The following SLIT3 variants were observed in gnomAD, a reference collection of about 807,000 sequenced individuals.
SLIT3 encodes the protein slit guidance ligand 3, also known as slit homolog 3 protein.
In SLIT3, 68 loss-of-function variants were observed where a neutral mutation model predicts 184.0. The ratio of observed to expected loss-of-function variants is 0.37; its 90% CI spans 0.30 to 0.45. The LOEUF (loss-of-function observed/expected upper bound fraction) is 0.45. Among genes scored for constraint, SLIT3 ranks in the 20% least tolerant of loss-of-function variants. SLIT3 has a pLI of 1.00. For synonymous variants in SLIT3, 831 were observed against 828.6 expected (o/e 1.00, Z -0.05); for missense variants, 1,707 against 2,026.0 (o/e 0.84, Z 3.02).
intron 4 of SLIT3, among the ~76,000 whole-genome samples, chr5:169,078,698 T>C (rs295986): frequency 0.72 from 109,967 of 152,130 alleles, 40,627 homozygotes; most frequent in African/African-American, 0.86. Context: ...TAGGAGCTTT[T>C]GCACACAATA....
At chr5:168,825,231 C>G (rs1757659846) in intron 6 of SLIT3, among the ~76,000 whole-genome samples, 1 of 152,118 alleles carries the variant, frequency 6.6e-6, no homozygotes, top group South Asian at 2.1e-4. Flanking sequence ...CCCCTCTACT[C>G]CAACCCCCAT....
At chr5:169,099,744 C>T (rs1047070203) in intron 4 of SLIT3, among the ~76,000 whole-genome samples, 4 of 152,086 alleles carry the variant, frequency 2.6e-5, no homozygotes, top group Non-Finnish European at 5.9e-5. Context: ...GTGTAGCTGG[C>T]GAGGTGGTCA....
chr5:168,897,339 C>G (rs1009768152), intron 4 of SLIT3, among the ~76,000 whole-genome samples: 2 of 152,004 alleles, frequency 1.3e-5, no homozygotes, highest in African/African-American at 4.8e-5. Flanking sequence ...AGGGACAGAC[C>G]AGAAAGTCAG....
At position 168,671,246 on chromosome 5, in the gene SLIT3, G is replaced by C; in HGVS notation, c.4079C>G (p.Thr1360Ser). 1 of 1,613,006 alleles carries C rather than the reference G, an allele frequency of 6.2e-7. No homozygotes were observed. Among genetic ancestry groups the C allele is most frequent in the Non-Finnish European group, 8.5e-7 (1 of 1,179,620 alleles). ...SVVCECRPGW[T>S]GPLCDQEARD... ...GGCCTCCTGATCGCAGAGTGGGCCGGTCCAGCCTGGGCGGCACTCGCACAC... is the reference window on the plus strand; with the variant it reads ...GGCCTCCTGATCGCAGAGTGGGCCGCTCCAGCCTGGGCGGCACTCGCACAC... The change falls in exon 34 of 36, where the codon ACC (threonine) becomes AGC (serine). Residue 1360 changes from threonine (T) to serine (S), a missense_variant. Physicochemically the swap from Thr to Ser is moderately conservative, Grantham distance 58. This residue lies in a region of SLIT3 where 387 missense variants were observed against 477.9 expected (regional missense o/e 0.81). Coordinates refer to ENST00000519560, the MANE Select transcript of SLIT3 (RefSeq NM_003062.4).
chr5:169,076,598 ACT>A (rs1758753459), intron 4 of SLIT3, among the ~76,000 whole-genome samples: 1 of 152,106 alleles, frequency 6.6e-6, no homozygotes, highest in African/African-American at 2.4e-5. Flanking sequence ...CTGATCTCAT[ACT>A]TACTTTAAGA....
intron 26 of SLIT3, among the ~76,000 whole-genome samples, chr5:168,703,944 CAAAAAAAAA>C (rs70976498): frequency 4.3e-5 from 2 of 46,822 alleles, no homozygotes; most frequent in African/African-American, 8.5e-5. Flanking sequence ...ACTCTGTCTC[CAAAAAAAAA>C]AAAAAAAAAA....
chr5:169,247,355 G>GCTAA lies in SLIT3; in HGVS notation c.270-2580_270-2579insTTAG, dbSNP rs1234187544. On this transcript the variant is annotated intron_variant, in intron 2 of 35. Coordinates refer to ENST00000519560, the MANE Select transcript of SLIT3 (RefSeq NM_003062.4). ...TCCCACTTCAACACTACTGACTGGA[G>GCTAA]GTTTGCTGAGCTAAGTTTTTACTAT... 4.6e-5 allele frequency among the ~76,000 whole-genome samples: 7 copies of GCTAA among 152,302 alleles called. No individual in the cohort carries two copies. In the East Asian group the frequency reaches 1.2e-3, roughly 25 times the overall value.
At chr5:169,270,662 A>G (rs149883675) in intron 1 of SLIT3, among the ~76,000 whole-genome samples, 1 of 152,276 alleles carries the variant, frequency 6.6e-6, no homozygotes, top group African/African-American at 2.4e-5. Context: ...GCGCTTATAT[A>G]GTCTAGGAGG....
At chr5:168,999,131 G>A (rs766347015) in intron 4 of SLIT3, among the ~76,000 whole-genome samples, 2 of 152,094 alleles carry the variant, frequency 1.3e-5, no homozygotes, top group South Asian at 2.1e-4. Context: ...GCCCAGGCTG[G>A]TGTCGAATTC....
intron 4 of SLIT3, among the ~76,000 whole-genome samples, chr5:169,009,562 G>A (rs1185376857): frequency 2.0e-5 from 3 of 152,194 alleles, no homozygotes; most frequent in East Asian, 1.9e-4. Flanking sequence ...TTGGTCTGTC[G>A]TTATCACTGA....
In SLIT3 at chr5:169,269,376, A is replaced by G. The variant is rs539806137; in HGVS notation, c.198-17917T>C. On this transcript the variant is annotated intron_variant, in intron 1 of 35. Transcript: ENST00000519560. Reference sequence around the variant, plus strand: ...TTAGCACTGGGCTCCTCCACTCTCTATGGTTCTCCACCTTTACTGACATGA... The same window carrying G: ...TTAGCACTGGGCTCCTCCACTCTCTGTGGTTCTCCACCTTTACTGACATGA... 4.6e-5 allele frequency among the ~76,000 whole-genome samples: 7 copies of G among 152,252 alleles called. 1 individual carries two copies. The South Asian group carries it at 1.5e-3, about 32-fold the overall frequency.
intron 28 of SLIT3, among the ~76,000 whole-genome samples, chr5:168,695,249 C>A (rs979471942): frequency 1.5e-4 from 23 of 152,216 alleles, no homozygotes; most frequent in Admixed American, 4.6e-4. Context: ...TCCCCCTCCT[C>A]ATTTTCTCCT....
intron 1 of SLIT3, among the ~76,000 whole-genome samples, chr5:169,259,929 G>A (rs1040202231): frequency 1.3e-5 from 2 of 152,108 alleles, no homozygotes; most frequent in Non-Finnish European, 2.9e-5. Context: ...GAAACGTTAA[G>A]GGATGTGGTC....
chr5:168,686,850 G>T, intron 30 of SLIT3, 129 bp downstream of exon 30: 1 of 1,020,464 alleles, frequency 9.8e-7, no homozygotes, highest in Non-Finnish European at 1.5e-6. Context: ...GGGGAATAAA[G>T]GCATCACCCA....
At chr5:169,298,164 T>C (rs936194618) in intron 1 of SLIT3, among the ~76,000 whole-genome samples, 7 of 151,988 alleles carry the variant, frequency 4.6e-5, no homozygotes, top group Admixed American at 2.0e-4. Flanking sequence ...GAGACTAGAA[T>C]GAGATACCAT....
chr5:168,988,776 C>G (rs1041016054), intron 4 of SLIT3, among the ~76,000 whole-genome samples: 2 of 151,628 alleles, frequency 1.3e-5, no homozygotes, highest in African/African-American at 4.8e-5. Context: ...CTAGGAGACC[C>G]CCCCCCAGGG....
chr5:168,995,288 AG>A (rs1561595922), intron 4 of SLIT3, among the ~76,000 whole-genome samples: 1 of 152,228 alleles, frequency 6.6e-6, no homozygotes, highest in Non-Finnish European at 1.5e-5. Context: ...TGGTCTACAA[AG>A]GGGGTAGTGT....
intron 12 of SLIT3, among the ~76,000 whole-genome samples, chr5:168,776,854 C>A (rs1755768650): frequency 6.6e-6 from 1 of 152,090 alleles, no homozygotes; most frequent in Non-Finnish European, 1.5e-5. Flanking sequence ...AAAGTACACA[C>A]ATGGTGAGTG....
At position 168,721,864 on chromosome 5, in the gene SLIT3, C is replaced by T. The variant is rs1056555482; in HGVS notation, c.2483+392G>A. On this transcript the variant is annotated intron_variant, in intron 23 of 35. Coordinates refer to ENST00000519560, the MANE Select transcript of SLIT3 (RefSeq NM_003062.4). ...CAGAGGTTCACCATGCTGCATTGCCCCTCTGAGGAAACAACTGTCAACAGA... is the reference window on the plus strand; with the variant it reads ...CAGAGGTTCACCATGCTGCATTGCCTCTCTGAGGAAACAACTGTCAACAGA... Among the ~76,000 whole-genome samples the T allele has an allele frequency of 5.3e-5, 8 of 152,224 alleles. No homozygotes were observed. The East Asian group carries it at 1.5e-3, about 29-fold the overall frequency.
Sources: gnomAD v4.1 joint callset for allele counts (sites outside exome capture counted in the v4.1 genomes callset) on GRCh38, gnomAD v4.1.1 for gene constraint, gnomAD v4.1.1 regional missense constraint, MANE v1.5 for transcripts, NCBI Gene and HGNC (gene_info 2026-07-23, HGNC 2026-07-21) for gene names.